Variants in SOCS5 observed in about 807,000 individuals in gnomAD.
SOCS5 encodes suppressor of cytokine signaling 5, also known as CIS-6.
SOCS5 carries 32 observed loss-of-function variants against 42.8 expected under a neutral mutation model. The observed-to-expected ratio is 0.75, with a 90% CI of 0.56 to 1.01. The LOEUF is 1.01. SOCS5 is among the 50% of genes least tolerant of loss of function. The pLI, the probability that SOCS5 is intolerant of heterozygous loss-of-function variation, is 0.00. For missense variants in SOCS5, 627 were observed against 653.0 expected (o/e 0.96, Z 0.43); for synonymous variants, 283 against 229.6 (o/e 1.23, Z -2.10).
At chr2:46,724,346 A>G (rs1216155516) in intron 1 of SOCS5, among the ~76,000 whole-genome samples, 1 of 151,986 alleles carries the variant, frequency 6.6e-6, no homozygotes, top group East Asian at 1.9e-4. Context: ...ATTTTTCCCA[A>G]CTATAGAGTG....
intron 1 of SOCS5, among the ~76,000 whole-genome samples, chr2:46,714,901 T>A (rs1361752194): frequency 6.6e-6 from 1 of 152,236 alleles, no homozygotes; most frequent in Non-Finnish European, 1.5e-5. Flanking sequence ...TCTTTCAATT[T>A]TTTTTTATTG....
At chr2:46,712,321 C>G (rs1405783414) in intron 1 of SOCS5, among the ~76,000 whole-genome samples, 2 of 136,888 alleles carry the variant, frequency 1.5e-5, no homozygotes, top group Non-Finnish European at 3.2e-5. Flanking sequence ...TTTTTTCCCA[C>G]AAGTGGATGT....
intron 1 of SOCS5, among the ~76,000 whole-genome samples, chr2:46,700,767 T>C (rs989275792): frequency 6.6e-6 from 1 of 152,196 alleles, no homozygotes; most frequent in African/African-American, 2.4e-5. Context: ...GTTTAGGCAG[T>C]GGTGGTCTCC....
intron 1 of SOCS5, among the ~76,000 whole-genome samples, chr2:46,755,490 A>G (rs1673713124): frequency 6.6e-6 from 1 of 152,174 alleles, no homozygotes; most frequent in South Asian, 2.1e-4. Flanking sequence ...TAATTTTTCA[A>G]CAAAAGCTAT....
intron 1 of SOCS5, among the ~76,000 whole-genome samples, chr2:46,714,100 C>T (rs1672686597): frequency 6.6e-6 from 1 of 152,128 alleles, no homozygotes; most frequent in Admixed American, 6.5e-5. Flanking sequence ...TCAATGTATA[C>T]TTGAAAAGAA....
intron 1 of SOCS5, among the ~76,000 whole-genome samples, chr2:46,737,975 A>G (rs11892177): frequency 0.067 from 10,213 of 152,268 alleles, 363 homozygotes; most frequent in Middle Eastern, 0.13. Context: ...GATAAAATTG[A>G]TATGCTTGAA....
In SOCS5 at chr2:46,759,644, G is replaced by C; in HGVS notation, c.1114G>C (p.Asp372His). ...QIDYIHCLVP[D>H]LLQITGNPCY... is the part of the protein sequence containing the mutation. ...TGATTACATACACTGCCTCGTGCCTGATTTGCTTCAAATTACAGGGAATCC... is the reference window on the plus strand; with the variant it reads ...TGATTACATACACTGCCTCGTGCCTCATTTGCTTCAAATTACAGGGAATCC... Residue 372 changes from aspartate (D) to histidine (H), a missense_variant, in exon 2 of 2, where the codon GAT becomes CAT. Physicochemically the swap from Asp to His is moderately conservative, Grantham distance 81. This residue lies in a region of SOCS5 where 340 missense variants were observed against 367.6 expected (regional missense o/e 0.92). Coordinates refer to ENST00000394861, the MANE Select transcript of SOCS5 (RefSeq NM_144949.3). 1 of 1,614,046 alleles carries C rather than the reference G, an allele frequency of 6.2e-7. No individual in the cohort carries two copies. The highest frequency in any genetic ancestry group is 8.5e-7 in the Non-Finnish European group (1 of 1,179,948).
At chr2:46,749,666 C>T (rs1673582148) in intron 1 of SOCS5, among the ~76,000 whole-genome samples, 1 of 152,076 alleles carries the variant, frequency 6.6e-6, no homozygotes, top group Non-Finnish European at 1.5e-5. Context: ...GAATCAGAAG[C>T]CCCTCCAAAT....
intron 1 of SOCS5, among the ~76,000 whole-genome samples, chr2:46,736,087 C>G (rs1007599657): frequency 1.3e-5 from 2 of 151,566 alleles, no homozygotes; most frequent in Non-Finnish European, 1.5e-5. Context: ...CTGGCTCAGG[C>G]TGAAGTGCGG....
chr2:46,717,562 C>T lies in SOCS5; in HGVS notation c.-13+18113C>T, dbSNP rs147719873. Among the ~76,000 whole-genome samples, 464 of 152,036 alleles carry T rather than the reference C, an allele frequency of 3.1e-3. 3 individuals carry two copies. The highest frequency in any genetic ancestry group is 0.011 in the African/African-American group (450 of 41,460). ...TTTCAACATTTTAAGGTCATCATTT[C>T]GTAATCTTCCGGTTTATATTATTTC... On this transcript the variant is annotated intron_variant, in intron 1 of 1. Coordinates refer to ENST00000394861, the MANE Select transcript of SOCS5 (RefSeq NM_144949.3).
At chr2:46,754,982 C>T (rs913469726) in intron 1 of SOCS5, among the ~76,000 whole-genome samples, 17 of 152,100 alleles carry the variant, frequency 1.1e-4, no homozygotes, top group Admixed American at 9.2e-4. Flanking sequence ...CCTAAACTGC[C>T]TCTTGTGCCT....
In SOCS5 at chr2:46,734,653, C is replaced by G. The variant is rs191733097; in HGVS notation, c.-12-23866C>G. Among the ~76,000 whole-genome samples the G allele has an allele frequency of 3.0e-3, 455 of 152,122 alleles. 3 individuals are homozygous for G. The highest frequency in any genetic ancestry group is 0.011 in the African/African-American group (444 of 41,502). ...AATATTTACTAAAATAATAATGTAC[C>G]CTTCTCTTACAGAAATAAGATTTTT... is the stretch of plus-strand genomic sequence containing the variant. On this transcript the variant is annotated intron_variant, in intron 1 of 1. Coordinates refer to ENST00000394861, the MANE Select transcript of SOCS5 (RefSeq NM_144949.3).
chr2:46,717,827 G>A (rs1248857756), intron 1 of SOCS5, among the ~76,000 whole-genome samples: 5 of 152,192 alleles, frequency 3.3e-5, no homozygotes, highest in South Asian at 2.1e-4. Context: ...AATGTCTCCC[G>A]GACCTGTGCT....
At chr2:46,705,447 C>T (rs916240446) in intron 1 of SOCS5, among the ~76,000 whole-genome samples, 1 of 152,230 alleles carries the variant, frequency 6.6e-6, no homozygotes. Context: ...AATCCCTACA[C>T]ATATGTTTTG....
At chr2:46,733,479 G>A (rs996950976) in intron 1 of SOCS5, among the ~76,000 whole-genome samples, 1 of 151,572 alleles carries the variant, frequency 6.6e-6, no homozygotes, top group Non-Finnish European at 1.5e-5. Context: ...AAACTGAAGT[G>A]GGGGGATCAC....
chr2:46,705,050 C>G lies in SOCS5; in HGVS notation c.-13+5601C>G, dbSNP rs140518065. Among the ~76,000 whole-genome samples the G allele has an allele frequency of 8.8e-3, 1,343 of 152,288 alleles. 8 individuals carry two copies. The highest frequency in any genetic ancestry group is 0.015 in the Non-Finnish European group (995 of 68,018). On this transcript the variant is annotated intron_variant, in intron 1 of 1. Coordinates refer to ENST00000394861, the MANE Select transcript of SOCS5 (RefSeq NM_144949.3). ...CCATGGGGACAGAAGTTCCTGCACT[C>G]CAGACCTTGCTGTAATTGTCACTAT...
At chr2:46,726,066 G>A (rs1672983404) in intron 1 of SOCS5, among the ~76,000 whole-genome samples, 2 of 151,546 alleles carry the variant, frequency 1.3e-5, no homozygotes, top group Admixed American at 6.6e-5. Flanking sequence ...ATATGTCTGG[G>A]CATGGATTTC....
intron 1 of SOCS5, among the ~76,000 whole-genome samples, chr2:46,756,065 A>G (rs1453486938): frequency 6.6e-6 from 1 of 152,102 alleles, no homozygotes; most frequent in Non-Finnish European, 1.5e-5. Context: ...TAGAAACTGC[A>G]TTTTGTGCCC....
In SOCS5 at chr2:46,705,321, A is replaced by C. The variant is rs139824546; in HGVS notation, c.-13+5872A>C. Among the ~76,000 whole-genome samples the C allele has an allele frequency of 3.5e-3, 538 of 152,248 alleles. 3 individuals carry two copies. Among genetic ancestry groups the C allele is most frequent in the African/African-American group, 0.012 (506 of 41,544 alleles). On this transcript the variant is annotated intron_variant, in intron 1 of 1. Coordinates refer to ENST00000394861, the MANE Select transcript of SOCS5 (RefSeq NM_144949.3). ...CTCAGTCTTTTGGGTCTGGGTCCTCAACCTGTGCAATCTCACGCTGTCTCT... is the reference window on the plus strand; with the variant it reads ...CTCAGTCTTTTGGGTCTGGGTCCTCCACCTGTGCAATCTCACGCTGTCTCT...
Sources: allele counts gnomAD v4.1 joint callset (sites outside exome capture counted in the v4.1 genomes callset), GRCh38; gene constraint gnomAD v4.1.1; regional missense constraint gnomAD v4.1.1; transcripts MANE v1.5; gene names NCBI Gene and HGNC (gene_info 2026-07-23, HGNC 2026-07-21).